Variants in POMC observed in about 807,000 individuals in gnomAD.
POMC encodes proopiomelanocortin, also known as pro-opiomelanocortin.
A neutral mutation model predicts 18.5 loss-of-function variants in POMC; 19 were observed. The ratio of observed to expected loss-of-function variants is 1.03; its 90% CI spans 0.72 to 1.51. POMC has a LOEUF of 1.51. Among genes scored for constraint, POMC ranks in the 40% most tolerant of loss-of-function variants. The probability of loss-of-function intolerance (pLI) is 0.00; values close to 1 mark genes in which losing one functional copy is unlikely to be tolerated. For missense variants in POMC, 451 were observed against 379.0 expected, an observed-to-expected ratio of 1.19 and a Z score of -1.58; for synonymous variants, 179 against 161.9, an observed-to-expected ratio of 1.11 and a Z score of -0.80.
rs3039380 is a variant in POMC, at chr2:25,164,989, G to GACC, written c.-20-198_-20-197insGGT. Among the ~76,000 whole-genome samples the GACC allele has an allele frequency of 0.89, 134,985 of 152,006 alleles. 60,008 individuals are homozygous for GACC. Among genetic ancestry groups the GACC allele is most frequent in the East Asian group, 1 (5,180 of 5,184 alleles). ...AAGTTGTGATAAGGAGGAGGGAATG[G>GACC]TGGGTAAACTGTGACCATTTCCCTG... On this transcript the variant is annotated intron_variant, in intron 1 of 2. Coordinates refer to ENST00000395826, the MANE Select transcript of POMC (RefSeq NM_000939.4).
rs757024412 is a variant in POMC at position 25,161,793 on chromosome 2, G to A, written c.133-41C>T. On this transcript the variant is annotated intron_variant, in intron 2 of 2. Coordinates refer to ENST00000395826, the MANE Select transcript of POMC (RefSeq NM_000939.4). This position sits in a 1 kb window ranked among gnomAD's most constrained non-coding sequence, Gnocchi z 5.7. ...AGGGCATGAGGGCAGCCCGTGCCCCGCACCCCGGCCCGGCTGCCGCGCCCG... is the reference window on the plus strand; with the variant it reads ...AGGGCATGAGGGCAGCCCGTGCCCCACACCCCGGCCCGGCTGCCGCGCCCG... The A allele has an allele frequency of 1.3e-5, 20 of 1,548,096 alleles. No individual in the cohort carries two copies. In the South Asian group the frequency reaches 2.3e-4, roughly 17 times the overall value.
rs1429760146 is a variant in POMC, at chr2:25,161,049, G to C, written c.*32C>G. On this transcript the variant is annotated 3_prime_UTR_variant, in exon 3 of 3. Coordinates refer to ENST00000395826, the MANE Select transcript of POMC (RefSeq NM_000939.4). The surrounding 1 kb of genome is among the most constrained non-coding windows in gnomAD (Gnocchi z 5.7). ...AAGGGGCTTTGGGGTCGACCTCCTG[G>C]GGGAGGGTAGCCCTGGGGCCCCGCT... 2 of 1,613,706 alleles carry C rather than the reference G, an allele frequency of 1.2e-6. No homozygotes were observed. Among genetic ancestry groups the C allele is most frequent in the Non-Finnish European group, 1.7e-6 (2 of 1,179,974 alleles).
Position 25,160,960 on chromosome 2 carries a change from T to G in POMC, c.*121A>C. 1 of 1,499,518 alleles carries G rather than the reference T, an allele frequency of 6.7e-7. No individual in the cohort carries two copies. Among genetic ancestry groups the G allele is most frequent in the Non-Finnish European group, 9.0e-7 (1 of 1,113,738 alleles). The allele number at this position is 1,499,518 out of a possible 1,614,324, so 92.9% of individuals were successfully genotyped here. ...TTTTATTTCCTAACTACAGGCAGCT[T>G]TAAGAGGCTGATTATCTGCCACGAC... On this transcript the variant is annotated 3_prime_UTR_variant, in exon 3 of 3. Transcript: ENST00000395826.
intron 2 of POMC, among the ~76,000 whole-genome samples, chr2:25,163,651 T>C (rs1291738212): frequency 6.6e-6 from 1 of 152,232 alleles, no homozygotes; most frequent in Admixed American, 6.5e-5. Context: ...TTTTGTTTTG[T>C]TTTGAGACAA....
intron 2 of POMC, among the ~76,000 whole-genome samples, chr2:25,162,873 CA>C (rs949376163): frequency 7.9e-5 from 12 of 152,208 alleles, no homozygotes; most frequent in Non-Finnish European, 1.8e-4. Flanking sequence ...AGAGATCCCC[CA>C]GTGAGCTCTG....
chr2:25,161,746 T>G lies in POMC; in HGVS notation c.139A>C (p.Ile47Leu). Residue 47 changes from isoleucine to leucine, a missense_variant, in exon 3 of 3, where the codon ATC becomes CTC. By Grantham distance (5) the Ile-to-Leu change is conservative. Coordinates refer to ENST00000395826, the MANE Select transcript of POMC (RefSeq NM_000939.4). The surrounding 1 kb of genome is among the most constrained non-coding windows in gnomAD (Gnocchi z 5.7). ...LTTESNLLECIRACKPDLSAE... is the reference protein window; with the variant it reads ...LTTESNLLECLRACKPDLSAE... Reference sequence around the variant, plus strand: ...GAGAGGTCGGGCTTGCAGGCCCGGATGCACTCCTGGGGGAAGACGCGAGGG... The same window carrying G: ...GAGAGGTCGGGCTTGCAGGCCCGGAGGCACTCCTGGGGGAAGACGCGAGGG... The G allele has an allele frequency of 6.3e-7, 1 of 1,593,684 alleles. No individual in the cohort carries two copies. The highest frequency in any genetic ancestry group is 8.5e-7 in the Non-Finnish European group (1 of 1,171,378).
chr2:25,161,782 G>C lies in POMC; in HGVS notation c.133-30C>G. On this transcript the variant is annotated intron_variant, in intron 2 of 2. Transcript: ENST00000395826. This position sits in a 1 kb window ranked among gnomAD's most constrained non-coding sequence, Gnocchi z 5.7. The stretch of plus-strand genomic sequence containing the variant: ...GGGAAGACGCGAGGGCATGAGGGCA[G>C]CCCGTGCCCCGCACCCCGGCCCGGC... 5.1e-6 allele frequency: 8 copies of C among 1,565,290 alleles called. No homozygotes were observed. Among genetic ancestry groups the C allele is most frequent in the Non-Finnish European group, 6.9e-6 (8 of 1,157,136 alleles).
chr2:25,163,786 G>GA (rs1671467088), intron 2 of POMC, among the ~76,000 whole-genome samples: 1 of 152,132 alleles, frequency 6.6e-6, no homozygotes, highest in Non-Finnish European at 1.5e-5. Context: ...ACCACATCTG[G>GA]CTAACTTTTT....
chr2:25,160,898 A>T lies in POMC; in HGVS notation c.*183T>A. On this transcript the variant is annotated 3_prime_UTR_variant, in exon 3 of 3. Transcript: ENST00000395826. ...TATTTTTACTTTATTCACACAGTTT[A>T]CATTCAAAGTCAGAGGTGGATGTGA... 1.0e-6 allele frequency: 1 copy of T among 972,602 alleles called. No homozygotes were observed. The highest frequency in any genetic ancestry group is 1.5e-6 in the Non-Finnish European group (1 of 676,118). 60.2% of individuals were successfully genotyped at this position (972,602 alleles called of 1,614,324 possible). A position where few individuals can be genotyped will look rare whatever the true frequency, so the allele number is the denominator to read the frequency against.
rs1671327957 is a variant in POMC, at chr2:25,161,036, G to A, written c.*45C>T. On this transcript the variant is annotated 3_prime_UTR_variant, in exon 3 of 3. Coordinates refer to ENST00000395826, the MANE Select transcript of POMC (RefSeq NM_000939.4). The surrounding 1 kb of genome is among the most constrained non-coding windows in gnomAD (Gnocchi z 5.7). ...GGCAGGGGAGAGCAAGGGGCTTTGG[G>A]GTCGACCTCCTGGGGGAGGGTAGCC... 6.2e-7 allele frequency: 1 copy of A among 1,612,966 alleles called. No homozygotes were observed. The highest frequency in any genetic ancestry group is 1.7e-5 in the Admixed American group (1 of 59,936).
At chr2:25,162,254 GC>G (rs1671418417) in intron 2 of POMC, among the ~76,000 whole-genome samples, 2 of 152,252 alleles carry the variant, frequency 1.3e-5, no homozygotes, top group East Asian at 3.9e-4. Context: ...TTCAAGACCA[GC>G]CTGGCCAACT....
At chr2:25,164,148 GA>G (rs1287716281) in intron 2 of POMC, among the ~76,000 whole-genome samples, 3,174 of 133,274 alleles carry the variant, frequency 0.024, 101 homozygotes, top group African/African-American at 0.077. Flanking sequence ...ACCAATTAAA[GA>G]AAAAAAAAAA....
chr2:25,168,154 CA>C lies in POMC; in HGVS notation c.-21+343del, dbSNP rs376657620. ...GGGCAACAAGAGCGAAACTCCGTCTCAAAAAAAAAAAAAAAGACCGGGTTGT... is the reference window on the plus strand; with the variant it reads ...GGGCAACAAGAGCGAAACTCCGTCTCAAAAAAAAAAAAAAGACCGGGTTGT... On this transcript the variant is annotated intron_variant, in intron 1 of 2. Transcript: ENST00000395826. The surrounding 1 kb of genome is among the most constrained non-coding windows in gnomAD (Gnocchi z 5.2). Among the ~76,000 whole-genome samples, 480 of 124,976 alleles carry C rather than the reference CA, an allele frequency of 3.8e-3. 2 individuals carry two copies. Among genetic ancestry groups the C allele is most frequent in the African/African-American group, 8.8e-3 (298 of 33,868 alleles). The allele number at this position is 124,976 out of a possible 152,430, so 82.0% of individuals were successfully genotyped here.
chr2:25,167,896 G>A (rs1671609916), intron 1 of POMC, among the ~76,000 whole-genome samples: 2 of 152,196 alleles, frequency 1.3e-5, no homozygotes, highest in Admixed American at 1.3e-4. Context: ...GCTCGCGCCT[G>A]TAATGCCAGA....
chr2:25,162,809 C>T (rs1671438317), intron 2 of POMC, among the ~76,000 whole-genome samples: 1 of 152,236 alleles, frequency 6.6e-6, no homozygotes, highest in Admixed American at 6.5e-5. Flanking sequence ...CATCTCTGCA[C>T]TAAGCCTCCA....
At chr2:25,166,928 T>C (rs377461945) in intron 1 of POMC, among the ~76,000 whole-genome samples, 33 of 152,336 alleles carry the variant, frequency 2.2e-4, no homozygotes, top group African/African-American at 7.7e-4. Flanking sequence ...TGGGGAAATA[T>C]CAAATGTTGT....
intron 2 of POMC, among the ~76,000 whole-genome samples, chr2:25,163,123 T>C (rs1671447320): frequency 6.6e-6 from 1 of 152,096 alleles, no homozygotes; most frequent in African/African-American, 2.4e-5. Flanking sequence ...AAGGAGAAAA[T>C]AAAAGGATCC....
Position 25,160,943 on chromosome 2 carries a change from C to T in POMC, c.*138G>A. 7 of 1,382,126 alleles carry T rather than the reference C, an allele frequency of 5.1e-6. No homozygotes were observed. Among genetic ancestry groups the T allele is most frequent in the Non-Finnish European group, 6.8e-6 (7 of 1,030,142 alleles). The allele number at this position is 1,382,126 out of a possible 1,614,324, so 85.6% of individuals were successfully genotyped here. A position where few individuals can be genotyped will look rare whatever the true frequency, so the allele number is the denominator to read the frequency against. On this transcript the variant is annotated 3_prime_UTR_variant, in exon 3 of 3. Coordinates refer to ENST00000395826, the MANE Select transcript of POMC (RefSeq NM_000939.4). ...ATGTGAAATTTGAAAGGTTTTATTT[C>T]CTAACTACAGGCAGCTTTAAGAGGC...
chr2:25,162,579 C>T (rs1357038976), intron 2 of POMC, among the ~76,000 whole-genome samples: 1 of 152,104 alleles, frequency 6.6e-6, no homozygotes, highest in Admixed American at 6.5e-5. Context: ...AGTCTGGCTA[C>T]TAGGGCCCAT....
Sources: allele counts gnomAD v4.1 joint callset (sites outside exome capture counted in the v4.1 genomes callset), GRCh38; gene constraint gnomAD v4.1.1; non-coding constraint Gnocchi (gnomAD v3.1); transcripts MANE v1.5; gene names NCBI Gene and HGNC (gene_info 2026-07-23, HGNC 2026-07-21).